UVRAG: variants seen among roughly 807,000 people sequenced by gnomAD.
The protein encoded by UVRAG is UV radiation resistance-associated gene protein.
In UVRAG, 19 loss-of-function variants were observed where a neutral mutation model predicts 78.0. That is an observed-to-expected ratio of 0.24 (90% confidence interval 0.17 to 0.36). The LOEUF (loss-of-function observed/expected upper bound fraction) is 0.36. Ranked by LOEUF, UVRAG falls within the 10% of genes least tolerant of loss-of-function variation. UVRAG has a pLI of 1.00. For missense variants in UVRAG, 740 were observed against 853.8 expected (o/e 0.87, Z 1.66); for synonymous variants, 323 against 324.6 (o/e 1.00, Z 0.05).
chr11:76,025,846 A>T (rs1950317318), intron 12 of UVRAG, among the ~76,000 whole-genome samples: 1 of 152,164 alleles, frequency 6.6e-6, no homozygotes, highest in Non-Finnish European at 1.5e-5. Context: ...TAAGGCGGTC[A>T]TATATCCTAT....
At chr11:75,886,912 C>T (rs937752476) in intron 4 of UVRAG, among the ~76,000 whole-genome samples, 1 of 150,644 alleles carries the variant, frequency 6.6e-6, no homozygotes, top group Non-Finnish European at 1.5e-5. Flanking sequence ...TTATATATTT[C>T]ATAGTTGGAC....
intron 13 of UVRAG, among the ~76,000 whole-genome samples, chr11:76,106,814 G>A (rs58065536): frequency 0.024 from 3,687 of 152,246 alleles, 147 homozygotes; most frequent in African/African-American, 0.083. Flanking sequence ...AGGAGCAGAA[G>A]TTGGGCCTGC....
chr11:76,004,603 TTTCATTCATTCA>T (rs10553590), intron 9 of UVRAG, among the ~76,000 whole-genome samples: 238 of 148,004 alleles, frequency 1.6e-3, no homozygotes, highest in East Asian at 7.1e-3. Context: ...TGGAGAAACA[TTTCATTCATTCA>T]TTCATTCATT....
At chr11:75,824,646 C>A (rs1469334754) in intron 1 of UVRAG, among the ~76,000 whole-genome samples, 3 of 148,570 alleles carry the variant, frequency 2.0e-5, no homozygotes, top group African/African-American at 7.4e-5. Flanking sequence ...CATGTTACTG[C>A]TGGGGAGAAA....
chr11:76,067,583 C>G (rs1286299220), intron 13 of UVRAG, among the ~76,000 whole-genome samples: 1 of 151,980 alleles, frequency 6.6e-6, no homozygotes, highest in Non-Finnish European at 1.5e-5. Context: ...ATGGCAAAAC[C>G]CCATCTCTAC....
At chr11:75,976,595 G>T (rs562730565) in intron 7 of UVRAG, among the ~76,000 whole-genome samples, 1 of 152,100 alleles carries the variant, frequency 6.6e-6, no homozygotes, top group East Asian at 1.9e-4. Flanking sequence ...TTTAGTCTTG[G>T]GATGGTGTAT....
At chr11:75,998,707 A>G (rs1046557710) in intron 8 of UVRAG, among the ~76,000 whole-genome samples, 5 of 152,214 alleles carry the variant, frequency 3.3e-5, no homozygotes, top group African/African-American at 1.2e-4. Flanking sequence ...AGGTGAAATA[A>G]TTGAGCTAAA....
intron 2 of UVRAG, among the ~76,000 whole-genome samples, chr11:75,853,487 A>G (rs1029475540): frequency 5.3e-5 from 8 of 151,676 alleles, no homozygotes; most frequent in South Asian, 2.1e-4. Flanking sequence ...CAGCCTCCCA[A>G]TTAGCTGGGA....
At chr11:75,836,580 T>C (rs1166995078) in intron 1 of UVRAG, among the ~76,000 whole-genome samples, 1 of 152,196 alleles carries the variant, frequency 6.6e-6, no homozygotes, top group African/African-American at 2.4e-5. Flanking sequence ...ACAATTTCTT[T>C]GGCATACGCT....
intron 8 of UVRAG, 144 bp downstream of exon 8, chr11:75,983,657 C>A: frequency 8.6e-7 from 1 of 1,157,822 alleles, no homozygotes. Flanking sequence ...GAAATGCATC[C>A]TTTGGTGATT....
intron 12 of UVRAG, among the ~76,000 whole-genome samples, chr11:76,036,027 A>C (rs1055703083): frequency 6.6e-6 from 1 of 152,202 alleles, no homozygotes; most frequent in Non-Finnish European, 1.5e-5. Flanking sequence ...GACCTGTCTC[A>C]AGTGTCAATT....
At chr11:75,953,389 T>A (rs756537545) in intron 6 of UVRAG, among the ~76,000 whole-genome samples, 6 of 152,202 alleles carry the variant, frequency 3.9e-5, no homozygotes, top group African/African-American at 1.2e-4. Flanking sequence ...AGAATAAAAA[T>A]CTAAGCACCT....
At chr11:75,878,910 A>AGGGGGG (rs1946876808) in intron 3 of UVRAG, among the ~76,000 whole-genome samples, 3 of 53,864 alleles carry the variant, frequency 5.6e-5, no homozygotes, top group Non-Finnish European at 1.1e-4. Flanking sequence ...AGGGAGGGGG[A>AGGGGGG]GGGGGAGGGA....
In UVRAG at chr11:76,042,805, T is replaced by C. The variant is rs138844448; in HGVS notation, c.1227-22905T>C. ...ATACATTAATAAAAAGTTTATATAT[T>C]AAAAAAGACACACAGGAGAAAAGTC... On this transcript the variant is annotated intron_variant, in intron 12 of 14. Coordinates refer to ENST00000356136, the MANE Select transcript of UVRAG (RefSeq NM_003369.4). Among the ~76,000 whole-genome samples, 218 of 152,286 alleles carry C rather than the reference T, an allele frequency of 1.4e-3. 2 individuals carry two copies. Among genetic ancestry groups the C allele is most frequent in the South Asian group, 6.0e-3 (29 of 4,830 alleles).
At chr11:75,922,837 G>C (rs1228640353) in intron 6 of UVRAG, among the ~76,000 whole-genome samples, 2 of 151,466 alleles carry the variant, frequency 1.3e-5, no homozygotes, top group Admixed American at 6.6e-5. Flanking sequence ...AATTCCTGAG[G>C]CAGGAGAATC....
At chr11:75,821,969 A>T in intron 1 of UVRAG, among the ~76,000 whole-genome samples, 1 of 134,020 alleles carries the variant, frequency 7.5e-6, no homozygotes, top group Non-Finnish European at 1.5e-5. Flanking sequence ...TTTGAGACAG[A>T]GTTTCGCTCT....
At chr11:76,024,343 T>A (rs1950293931) in intron 12 of UVRAG, among the ~76,000 whole-genome samples, 2 of 152,206 alleles carry the variant, frequency 1.3e-5, no homozygotes, top group South Asian at 4.1e-4. Flanking sequence ...TCTCGAGTGA[T>A]CTGGTAAGGC....
intron 12 of UVRAG, among the ~76,000 whole-genome samples, chr11:76,026,082 A>G (rs1161115562): frequency 6.6e-6 from 1 of 152,150 alleles, no homozygotes; most frequent in Non-Finnish European, 1.5e-5. Context: ...GAGCAACACT[A>G]ACTTGATAAA....
At chr11:76,048,197 G>A (rs982324309) in intron 12 of UVRAG, among the ~76,000 whole-genome samples, 1 of 152,202 alleles carries the variant, frequency 6.6e-6, no homozygotes, top group Admixed American at 6.5e-5. Context: ...AGCCTAGCCT[G>A]TAAGAGCAAA....
Sources: allele counts gnomAD v4.1 joint callset (sites outside exome capture counted in the v4.1 genomes callset), GRCh38; gene constraint gnomAD v4.1.1; transcripts MANE v1.5; gene names NCBI Gene and HGNC (gene_info 2026-07-23, HGNC 2026-07-21).